The following CNOT6L variants were observed in gnomAD, a reference collection of about 807,000 sequenced individuals.
CNOT6L encodes CCR4-NOT transcription complex subunit 6 like, also known as CCR4-NOT transcription complex subunit 6-like.
CNOT6L carries 7 observed loss-of-function variants against 64.0 expected under a neutral mutation model. The observed-to-expected ratio is 0.11, with a 90% CI of 0.06 to 0.21. The LOEUF is 0.21. Ranked by LOEUF, CNOT6L falls within the 10% of genes least tolerant of loss-of-function variation. CNOT6L has a pLI of 1.00. For missense variants in CNOT6L, 245 were observed against 669.0 expected, an observed-to-expected ratio of 0.37 and a Z score of 6.99; for synonymous variants, 193 against 243.4, an observed-to-expected ratio of 0.79 and a Z score of 1.93.
rs1720792306 is a variant in CNOT6L at position 77,716,765 on chromosome 4, A to ATAT, written c.*3663_*3665dup. The ATAT allele has an allele frequency of 1.3e-5, 2 of 152,680 alleles. No homozygotes were observed. Among genetic ancestry groups the ATAT allele is most frequent in the Admixed American group, 1.3e-4 (2 of 15,262 alleles). 9.5% of individuals were successfully genotyped at this position (152,680 alleles called of 1,614,324 possible). On this transcript the variant is annotated 3_prime_UTR_variant, in exon 12 of 12. Transcript: ENST00000504123. Reference sequence around the variant, plus strand: ...TAGGGGCAAATAAGAAACAGCTTTTATATTTTTGCCAACTACACTAAAACA... The same window carrying ATAT: ...TAGGGGCAAATAAGAAACAGCTTTTATATTATTTTTGCCAACTACACTAAAACA...
At chr4:77,815,828 G>A (rs1205841496) in intron 1 of CNOT6L, among the ~76,000 whole-genome samples, 2 of 152,192 alleles carry the variant, frequency 1.3e-5, no homozygotes, top group Non-Finnish European at 2.9e-5. Flanking sequence ...TAAGAGGAAA[G>A]CCACAAGAAA....
At chr4:77,755,736 A>AGAAGGGCG in intron 5 of CNOT6L, among the ~76,000 whole-genome samples, 1 of 152,248 alleles carries the variant, frequency 6.6e-6, no homozygotes, top group East Asian at 1.9e-4. Context: ...GGAGTGGGGA[A>AGAAGGGCG]GAAGGGCGTC....
chr4:77,724,923 C>T (rs1721666409), intron 11 of CNOT6L, among the ~76,000 whole-genome samples: 1 of 127,180 alleles, frequency 7.9e-6, no homozygotes, highest in Non-Finnish European at 1.8e-5. Flanking sequence ...GCACCTCTTC[C>T]CAACTCTATG....
At chr4:77,804,551 T>A (rs1732000951) in intron 1 of CNOT6L, among the ~76,000 whole-genome samples, 1 of 151,868 alleles carries the variant, frequency 6.6e-6, no homozygotes, top group African/African-American at 2.4e-5. Flanking sequence ...ATTAAATGAC[T>A]AGAAGAAGCA....
Position 77,717,325 on chromosome 4 carries a change from C to G in CNOT6L, c.*3106G>C, listed in dbSNP as rs1160045521. On this transcript the variant is annotated 3_prime_UTR_variant, in exon 12 of 12. Transcript: ENST00000504123. ...ATGCCTGAGAGAGTGGGTGACTTGA[C>G]ATGCACTTGTATGACTGTAATAATG... 1 of 152,482 alleles carries G rather than the reference C, an allele frequency of 6.6e-6. No homozygotes were observed. The highest frequency in any genetic ancestry group is 2.4e-5 in the African/African-American group (1 of 41,424). The allele number at this position is 152,482 out of a possible 1,614,324, so 9.4% of individuals were successfully genotyped here.
chr4:77,760,772 C>T (rs943277435), intron 4 of CNOT6L, among the ~76,000 whole-genome samples: 5 of 147,090 alleles, frequency 3.4e-5, no homozygotes, highest in African/African-American at 1.3e-4. Context: ...TCTGGACTTA[C>T]TGCAAGCTCC....
chr4:77,736,630 C>T (rs774373973), intron 8 of CNOT6L, among the ~76,000 whole-genome samples: 63 of 152,230 alleles, frequency 4.1e-4, no homozygotes, highest in Non-Finnish European at 7.1e-4. Flanking sequence ...CTCAATTAGA[C>T]ATATTAGTTT....
At chr4:77,732,542 GCA>G (rs1386012143) in intron 8 of CNOT6L, among the ~76,000 whole-genome samples, 1 of 152,020 alleles carries the variant, frequency 6.6e-6, no homozygotes, top group Non-Finnish European at 1.5e-5. Context: ...ACAGGATGCT[GCA>G]CTAAATGAAG....
intron 6 of CNOT6L, among the ~76,000 whole-genome samples, chr4:77,747,945 A>G (rs1165555185): frequency 6.6e-6 from 1 of 152,104 alleles, no homozygotes; most frequent in African/African-American, 2.4e-5. Flanking sequence ...CATTGTTCTC[A>G]TTTTTCTTAA....
rs780632111 is a variant in CNOT6L at position 77,780,384 on chromosome 4, C to T, written c.6-3992G>A. 7.6e-4 allele frequency among the ~76,000 whole-genome samples: 116 copies of T among 152,156 alleles called. 1 individual carries two copies. Among genetic ancestry groups the T allele is most frequent in the Non-Finnish European group, 5.4e-4 (37 of 68,024 alleles). ...AACTTACATAGATTCTCAAAAGATC[C>T]TCCCATTACATCAACCAAATTTATA... is the stretch of plus-strand genomic sequence containing the variant. On this transcript the variant is annotated intron_variant, in intron 1 of 11. Coordinates refer to ENST00000504123, the MANE Select transcript of CNOT6L (RefSeq NM_144571.3).
In CNOT6L at chr4:77,756,897, C is replaced by T. The variant is rs781330689; in HGVS notation, c.455G>A (p.Arg152Gln). Residue 152 changes from arginine (R) to glutamine (Q), a missense_variant, in exon 5 of 12, where the codon CGA becomes CAA. By Grantham distance (43) the Arg-to-Gln change is conservative. Transcript: ENST00000504123. ...GTCAAGCATGAAGTTCAGTAGCTTTCGGGTTCCATCTGGGTCCTGGTATAA... is the reference window on the plus strand; with the variant it reads ...GTCAAGCATGAAGTTCAGTAGCTTTTGGGTTCCATCTGGGTCCTGGTATAA... ...LNLYQDPDGT[R>Q]KLLNFMLDNL... The T allele has an allele frequency of 3.1e-6, 5 of 1,610,514 alleles. No individual in the cohort carries two copies. Among genetic ancestry groups the T allele is most frequent in the Non-Finnish European group, 3.4e-6 (4 of 1,178,102 alleles).
At chr4:77,777,696 A>C (rs554319989) in intron 1 of CNOT6L, among the ~76,000 whole-genome samples, 1 of 152,316 alleles carries the variant, frequency 6.6e-6, no homozygotes, top group African/African-American at 2.4e-5. Flanking sequence ...ACACACCCCA[A>C]AACCAAGTGT....
intron 1 of CNOT6L, among the ~76,000 whole-genome samples, chr4:77,816,573 C>T (rs926740022): frequency 1.1e-4 from 17 of 152,228 alleles, no homozygotes; most frequent in East Asian, 5.8e-4. Flanking sequence ...CCCTCCCCAT[C>T]CTGTGACTCT....
chr4:77,745,366 A>G (rs1354599825), intron 6 of CNOT6L, among the ~76,000 whole-genome samples: 3 of 152,220 alleles, frequency 2.0e-5, no homozygotes, highest in Non-Finnish European at 4.4e-5. Context: ...TTGTCAATCA[A>G]ATGTTCATTT....
chr4:77,809,969 C>T (rs780975330), intron 1 of CNOT6L, among the ~76,000 whole-genome samples: 5 of 152,024 alleles, frequency 3.3e-5, no homozygotes, highest in South Asian at 2.1e-4. Context: ...GTACAAATGA[C>T]GAGTTTCTCA....
chr4:77,803,002 T>C (rs758519916), intron 1 of CNOT6L, among the ~76,000 whole-genome samples: 2 of 152,188 alleles, frequency 1.3e-5, no homozygotes, highest in Non-Finnish European at 2.9e-5. Flanking sequence ...ATTTAATGTC[T>C]ATAAGGCAAA....
At chr4:77,804,428 CAAA>C (rs1185489525) in intron 1 of CNOT6L, among the ~76,000 whole-genome samples, 5 of 79,232 alleles carry the variant, frequency 6.3e-5, no homozygotes, top group Admixed American at 2.8e-4. Flanking sequence ...GACCCCATCT[CAAA>C]AAAAAAAAAA....
chr4:77,736,034 G>A (rs1722902976), intron 8 of CNOT6L, among the ~76,000 whole-genome samples: 1 of 152,002 alleles, frequency 6.6e-6, no homozygotes, highest in Admixed American at 6.5e-5. Flanking sequence ...CCATACTTTT[G>A]ACTTTTAAAA....
chr4:77,772,325 T>C (rs1727648357), intron 4 of CNOT6L, among the ~76,000 whole-genome samples: 1 of 152,052 alleles, frequency 6.6e-6, no homozygotes, highest in South Asian at 2.1e-4. Context: ...CTCTGCCTCC[T>C]GGGTTCAAGC....
Sources: allele counts gnomAD v4.1 joint callset (sites outside exome capture counted in the v4.1 genomes callset), GRCh38; gene constraint gnomAD v4.1.1; transcripts MANE v1.5; gene names NCBI Gene and HGNC (gene_info 2026-07-23, HGNC 2026-07-21).